The following TKTL1 variants were observed in gnomAD, a reference collection of about 807,000 sequenced individuals.
The protein encoded by TKTL1 is transketolase like 1, also known as transketolase-like protein 1.
A neutral mutation model predicts 39.3 loss-of-function variants in TKTL1; 1 was observed. That is an observed-to-expected ratio of 0.03 (90% CI 0.01 to 0.12). TKTL1 has a LOEUF of 0.12. Among genes scored for constraint, TKTL1 ranks in the 10% least tolerant of loss-of-function variants. The pLI is 1.00. For missense variants in TKTL1, 575 were observed against 509.6 expected (o/e 1.13, Z -1.24); for synonymous variants, 262 against 193.8 (o/e 1.35, Z -2.92).
At chrX:154,323,175 C>G (rs1430998418) in intron 8 of TKTL1, 32 bp from the exon 9 acceptor site, 4 of 1,204,591 alleles carry the variant, frequency 3.3e-6, no homozygotes, top group Non-Finnish European at 4.5e-6. Context: ...TGGGGTTATG[C>G]TCCTGTTTTC....
At chrX:154,328,621 G>C (rs1008415266) in intron 12 of TKTL1, among the ~76,000 whole-genome samples, 2 of 90,870 alleles carry the variant, frequency 2.2e-5, no homozygotes, top group East Asian at 3.9e-4. Flanking sequence ...AGGTATAGCA[G>C]AGAACACAGC....
chrX:154,329,526 G>T lies in TKTL1; in HGVS notation c.1629G>T (p.Gly543=). 1 of 1,211,512 alleles carries T rather than the reference G, an allele frequency of 8.3e-7. No individual in the cohort carries two copies. The highest frequency in any genetic ancestry group is 1.1e-6 in the Non-Finnish European group (1 of 895,219). Residue 543 remains glycine (G), a synonymous_variant, in exon 13 of 13, where the codon GGG becomes GGT. Coordinates refer to ENST00000369915, the MANE Select transcript of TKTL1 (RefSeq NM_012253.4). ...TCCTTGTTTCCCCAGGTGGCATCGG[G>T]GAAGCTGTCTGCGCAGCCGTCTCCA... is the stretch of plus-strand genomic sequence containing the variant. ...VEDHYPQGGI[G]EAVCAAVSMD...
intron 9 of TKTL1, among the ~76,000 whole-genome samples, chrX:154,324,773 A>G (rs1557171585): frequency 8.9e-6 from 1 of 112,243 alleles, no homozygotes; most frequent in Non-Finnish European, 1.9e-5. Flanking sequence ...AACGAACAGT[A>G]GCGACGTTTC....
At chrX:154,309,613 C>A (rs1035657139) in intron 3 of TKTL1, among the ~76,000 whole-genome samples, 171 bp downstream of exon 3, 1 of 110,946 alleles carries the variant, frequency 9.0e-6, no homozygotes, top group African/African-American at 3.3e-5. Flanking sequence ...TTCCCCACCT[C>A]GGGCGGCTGC....
At chrX:154,303,536 C>T (rs191871278) in intron 1 of TKTL1, among the ~76,000 whole-genome samples, 2 of 104,998 alleles carry the variant, frequency 1.9e-5, no homozygotes, top group African/African-American at 7.0e-5. Flanking sequence ...TGGCCTCTCC[C>T]TCCTTTTTAT....
chrX:154,304,414 C>T (rs1419259584), intron 1 of TKTL1, among the ~76,000 whole-genome samples: 2 of 110,527 alleles, frequency 1.8e-5, no homozygotes, highest in African/African-American at 3.3e-5. Flanking sequence ...GTGCAAAAGC[C>T]CTCTTTTTGT....
intron 2 of TKTL1, 39 bp downstream of exon 2, chrX:154,305,460 C>CTG (rs1569550844): frequency 1.7e-6 from 2 of 1,187,441 alleles, no homozygotes; most frequent in Non-Finnish European, 2.3e-6. Context: ...GTGGCGCCTG[C>CTG]TGGTTAAGCC....
chrX:154,326,789 T>C (rs2067496483), intron 10 of TKTL1, among the ~76,000 whole-genome samples: 1 of 112,569 alleles, frequency 8.9e-6, no homozygotes, highest in South Asian at 3.6e-4. Flanking sequence ...TAGTAAAGGA[T>C]GTGAGATAAA....
intron 10 of TKTL1, chrX:154,327,370 G>T (rs782313155): frequency 2.5e-5 from 14 of 549,319 alleles, no homozygotes; most frequent in African/African-American, 2.5e-4. Context: ...CTCCTGATGG[G>T]TATGTGGCGT....
In TKTL1 at chrX:154,310,890, G is replaced by C. The variant is rs781937132; in HGVS notation, c.405G>C (p.Trp135Cys). The C allele has an allele frequency of 8.3e-7, 1 of 1,211,634 alleles. No homozygotes were observed. Among genetic ancestry groups the C allele is most frequent in the East Asian group, 3.0e-5 (1 of 33,867 alleles). Residue 135 changes from tryptophan to cysteine, a missense_variant, in exon 4 of 13, where the codon TGG (tryptophan) becomes TGC (cysteine). By Grantham distance (215) the Trp-to-Cys change is radical. Coordinates refer to ENST00000369915, the MANE Select transcript of TKTL1 (RefSeq NM_012253.4). Reference protein sequence around the residue: ...SDGESSEGSVWEAMAFASYYS... With the variant: ...SDGESSEGSVCEAMAFASYYS... ...GCGAGTCCTCAGAAGGCTCTGTCTG[G>C]GAGGCAATGGCCTTTGCTTCCTACT...
chrX:154,327,764 G>A, intron 11 of TKTL1, 75 bp from the exon 12 acceptor site: 1 of 1,202,309 alleles, frequency 8.3e-7, no homozygotes, highest in Non-Finnish European at 1.1e-6. Context: ...TGCCCTGAGT[G>A]CTCTTTTTAT....
intron 11 of TKTL1, 55 bp downstream of exon 11, chrX:154,327,742 A>T: frequency 1.7e-6 from 2 of 1,187,575 alleles, no homozygotes; most frequent in Non-Finnish European, 1.1e-6. Context: ...GTAGGACTTC[A>T]GCTACCTCCT....
chrX:154,315,381 C>T (rs1052641374), intron 7 of TKTL1, 44 bp downstream of exon 7: 4 of 1,106,106 alleles, frequency 3.6e-6, no homozygotes, highest in African/African-American at 1.8e-5. Context: ...ATCAATGGCC[C>T]ACTGGACACA....
rs1420946321 is a variant in TKTL1 at position 154,305,317 on chromosome X, T to C, written c.148T>C (p.Cys50Arg). ...TCTGTCTTTCAGCCACCCTACATCA[T>C]GTAGCAGTTCTTCTGAGATCATGTC... ...CSTSSGHPTS[C>R]SSSSEIMSVL... The change falls in exon 2 of 13, where the codon TGT becomes CGT. Residue 50 changes from cysteine to arginine, a missense_variant. Cys to Arg is a radical substitution (Grantham distance 180). Transcript: ENST00000369915. The C allele has an allele frequency of 5.0e-6, 6 of 1,205,845 alleles. No homozygotes were observed. Among genetic ancestry groups the C allele is most frequent in the Non-Finnish European group, 6.7e-6 (6 of 891,790 alleles).
At chrX:154,326,280 G>GC (rs2067492965) in intron 10 of TKTL1, among the ~76,000 whole-genome samples, 1 of 112,113 alleles carries the variant, frequency 8.9e-6, no homozygotes, top group African/African-American at 3.2e-5. Context: ...CAGCCTGCCT[G>GC]TCAGGGCCAT....
intron 7 of TKTL1, among the ~76,000 whole-genome samples, chrX:154,315,671 C>G (rs1482419676): frequency 9.0e-6 from 1 of 111,170 alleles, no homozygotes; most frequent in Non-Finnish European, 1.9e-5. Flanking sequence ...GCTCCTTCTG[C>G]CCAATTCTGC....
In TKTL1 at chrX:154,312,526, T is replaced by A. The variant is rs1464944117; in HGVS notation, c.671-54T>A. 1.6e-5 allele frequency: 18 copies of A among 1,136,742 alleles called. No homozygotes were observed. The Admixed American group carries it at 4.3e-4, about 27-fold the overall frequency. 93.7% of individuals were successfully genotyped at this position (1,136,742 alleles called of 1,213,427 possible). A position where few individuals can be genotyped will look rare whatever the true frequency, so the allele number is the denominator to read the frequency against. On this transcript the variant is annotated intron_variant, in intron 5 of 12. Transcript: ENST00000369915. ...GGGGTCTGTTTTTCAGGTGACCTCATAGGCACTCACTAAATATTTATGGAA... is the reference window on the plus strand; with the variant it reads ...GGGGTCTGTTTTTCAGGTGACCTCAAAGGCACTCACTAAATATTTATGGAA...
chrX:154,302,937 G>A (rs2067285001), intron 1 of TKTL1, among the ~76,000 whole-genome samples: 1 of 110,812 alleles, frequency 9.0e-6, no homozygotes, highest in African/African-American at 3.3e-5. Context: ...GAGAGGCAGG[G>A]GCGAGGGCGA....
chrX:154,315,098 G>A lies in TKTL1; in HGVS notation c.865-75G>A, dbSNP rs999716597. The A allele has an allele frequency of 2.7e-5, 28 of 1,023,715 alleles. No individual in the cohort carries two copies. The Admixed American group carries it at 3.7e-4, about 13-fold the overall frequency. The allele number at this position is 1,023,715 out of a possible 1,213,427, so 84.4% of individuals were successfully genotyped here. A position where few individuals can be genotyped will look rare whatever the true frequency, so the allele number is the denominator to read the frequency against. ...TGATAATTTGTCATTCTACAATATG[G>A]TACCTTCCTTCTGTAGTCGTTCCTT... On this transcript the variant is annotated intron_variant, in intron 6 of 12. Coordinates refer to ENST00000369915, the MANE Select transcript of TKTL1 (RefSeq NM_012253.4).
Sources: allele counts gnomAD v4.1 joint callset (sites outside exome capture counted in the v4.1 genomes callset), GRCh38; gene constraint gnomAD v4.1.1; transcripts MANE v1.5; gene names NCBI Gene and HGNC (gene_info 2026-07-23, HGNC 2026-07-21).